The following ZBED6 variants were observed in gnomAD, a reference collection of about 807,000 sequenced individuals.
The protein encoded by ZBED6 is zinc finger BED domain-containing protein 6.
A neutral mutation model predicts 58.4 loss-of-function variants in ZBED6; 40 were observed. The ratio of observed to expected loss-of-function variants is 0.68; its 90% CI spans 0.53 to 0.89. The LOEUF is 0.89. Among genes scored for constraint, ZBED6 ranks in the 40% least tolerant of loss-of-function variants. ZBED6 has a pLI of 0.00. For synonymous variants in ZBED6, 439 were observed against 350.6 expected, an observed-to-expected ratio of 1.25 and a Z score of -2.82; for missense variants, 1,057 against 1,003.9, an observed-to-expected ratio of 1.05 and a Z score of -0.71.
chr1:203,804,657 TTTC>T (rs1671645748), intron 1 of ZBED6, among the ~76,000 whole-genome samples: 1 of 151,260 alleles, frequency 6.6e-6, no homozygotes, highest in South Asian at 2.1e-4. Flanking sequence ...TCTGGATTTT[TTTC>T]TTTTTTGCCT....
At chr1:203,819,220 CTTTT>C (rs200161052) in intron 3 of ZBED6, among the ~76,000 whole-genome samples, 2 of 133,790 alleles carry the variant, frequency 1.5e-5, no homozygotes, top group Non-Finnish European at 3.3e-5. Context: ...TTTTTTCTTT[CTTTT>C]TATTTTTTTT....
intron 8 of ZBED6, 111 bp downstream of exon 8, chr1:203,831,882 A>G: frequency 1.2e-6 from 1 of 808,196 alleles, no homozygotes; most frequent in Non-Finnish European, 2.0e-6. Context: ...ATTTGTTAGT[A>G]TGCTGATGAG....
intron 3 of ZBED6, among the ~76,000 whole-genome samples, chr1:203,819,353 C>T (rs1677616003): frequency 6.7e-6 from 1 of 150,160 alleles, no homozygotes; most frequent in Non-Finnish European, 1.5e-5. Flanking sequence ...TCCTGAGTAG[C>T]TGGGATTACA....
At chr1:203,814,347 A>T (rs541625906) in intron 1 of ZBED6, among the ~76,000 whole-genome samples, 1 of 152,302 alleles carries the variant, frequency 6.6e-6, no homozygotes, top group East Asian at 1.9e-4. Flanking sequence ...AACATGGCGA[A>T]ACCCTGTCTC....
At chr1:203,845,203 G>A (rs1221350898) in intron 11 of ZBED6, among the ~76,000 whole-genome samples, 1 of 152,104 alleles carries the variant, frequency 6.6e-6, no homozygotes, top group Non-Finnish European at 1.5e-5. Flanking sequence ...CTCTGCCAGT[G>A]ACATCCTTAT....
chr1:203,803,928 T>C (rs969440432), intron 1 of ZBED6, among the ~76,000 whole-genome samples: 1 of 152,106 alleles, frequency 6.6e-6, no homozygotes, highest in African/African-American at 2.4e-5. Context: ...TAAATAATGA[T>C]TCTAGATGAT....
chr1:203,796,557 C>T (rs1326022744), exon 1 of ZBED6: 1 of 398,586 alleles, frequency 2.5e-6, no homozygotes, highest in Non-Finnish European at 4.4e-6. Flanking sequence ...GGTTCTGGAC[C>T]TTGAGAAAGA....
intron 11 of ZBED6, among the ~76,000 whole-genome samples, chr1:203,842,326 C>T (rs1346297745): frequency 4.6e-5 from 7 of 152,168 alleles, no homozygotes; most frequent in Admixed American, 1.3e-4. Context: ...ACTGAGTGAG[C>T]GAGACTCCGT....
chr1:203,845,049 A>G (rs1179016649), intron 11 of ZBED6, among the ~76,000 whole-genome samples: 1 of 152,096 alleles, frequency 6.6e-6, no homozygotes, highest in Non-Finnish European at 1.5e-5. Flanking sequence ...GTTGCTTTTA[A>G]TATTAGTTAA....
At chr1:203,840,317 A>G in exon 11 of ZBED6, 6 of 1,613,108 alleles carry the variant, frequency 3.7e-6, no homozygotes, top group Non-Finnish European at 5.1e-6. Flanking sequence ...TCAAGTTTCC[A>G]AGTCTCTTAA....
exon 1 of ZBED6, chr1:203,798,281 T>C (rs1315148672): frequency 2.0e-5 from 30 of 1,536,108 alleles, no homozygotes; most frequent in Non-Finnish European, 2.6e-5. Context: ...AAAGTAACAT[T>C]GTCAAGCATG....
chr1:203,829,845 A>G, exon 6 of ZBED6: 1 of 1,614,180 alleles, frequency 6.2e-7, no homozygotes, highest in Non-Finnish European at 8.5e-7. Context: ...TGAAGTTCAC[A>G]ATGGATTACG....
At chr1:203,838,954 C>CAAAAAA (rs59033094) in intron 10 of ZBED6, among the ~76,000 whole-genome samples, 2 of 97,934 alleles carry the variant, frequency 2.0e-5, no homozygotes, top group East Asian at 3.1e-4. Context: ...GACTTCATCT[C>CAAAAAA]AAAAAAAAAA....
rs564728552 is a variant in ZBED6 at position 203,798,496 on chromosome 1, G to A, written c.974G>A (p.Ser325Asn). ...CATTGGGCTGTTGCCAACAAAGACA[G>A]TGGTGCTGTTGCAAATGGATTAGAT... Residue 325 changes from serine to asparagine, a missense_variant, in exon 1 of 17, where the codon AGT (serine) becomes AAT (asparagine). By Grantham distance (46) the Ser-to-Asn change is conservative. Transcript: ENST00000550078. 326 of 1,536,142 alleles carry A rather than the reference G, an allele frequency of 2.1e-4. 5 individuals are homozygous for A. In the South Asian group the frequency reaches 3.7e-3, roughly 18 times the overall value.
chr1:203,840,475 T>C (rs1470890176), intron 11 of ZBED6, 101 bp downstream of exon 11: 5 of 1,183,394 alleles, frequency 4.2e-6, no homozygotes, highest in Non-Finnish European at 6.0e-6. Flanking sequence ...GCTTTTGATT[T>C]TTGTTCTTTT....
At chr1:203,846,661 C>T (rs1175653673) in intron 11 of ZBED6, among the ~76,000 whole-genome samples, 1 of 152,072 alleles carries the variant, frequency 6.6e-6, no homozygotes, top group Admixed American at 6.5e-5. Flanking sequence ...TGTTTATAGC[C>T]ATAAGTTAAT....
intron 3 of ZBED6, among the ~76,000 whole-genome samples, chr1:203,824,096 C>T (rs1224278912): frequency 4.6e-5 from 7 of 151,886 alleles, no homozygotes; most frequent in East Asian, 1.9e-4. Context: ...AGTGAAACCC[C>T]GTCTCTACTC....
exon 1 of ZBED6, chr1:203,798,367 G>A (rs1669358422): frequency 1.3e-6 from 2 of 1,535,228 alleles, no homozygotes; most frequent in Non-Finnish European, 1.7e-6. Context: ...CACATCTCAA[G>A]AGCTGTGTGT....
chr1:203,796,212 C>G (rs562088193), exon 1 of ZBED6: 60 of 389,672 alleles, frequency 1.5e-4, no homozygotes, highest in Non-Finnish European at 2.6e-4. Context: ...AACAGTTTCT[C>G]TAGTTGAGCG....
Sources: gnomAD v4.1 joint callset for allele counts (sites outside exome capture counted in the v4.1 genomes callset) on GRCh38, gnomAD v4.1.1 for gene constraint, MANE v1.5 for transcripts, NCBI Gene and HGNC (gene_info 2026-07-23, HGNC 2026-07-21) for gene names.